DENND1B: variants seen among roughly 807,000 people sequenced by gnomAD.
The protein encoded by DENND1B is DENN domain containing 1B.
Under a neutral mutation model 90.1 loss-of-function variants are expected in DENND1B, and 59 were observed. The ratio of observed to expected loss-of-function variants is 0.65; its 90% CI spans 0.53 to 0.81. DENND1B has a LOEUF of 0.81. DENND1B is among the 40% of genes least tolerant of loss of function. The pLI is 0.00. For synonymous variants in DENND1B, 337 were observed against 324.6 expected, an observed-to-expected ratio of 1.04 and a Z score of -0.41; for missense variants, 862 against 912.6, an observed-to-expected ratio of 0.94 and a Z score of 0.71.
chr1:197,631,147 A>C (rs1340535492), intron 10 of DENND1B, among the ~76,000 whole-genome samples: 1 of 151,862 alleles, frequency 6.6e-6, no homozygotes, highest in Non-Finnish European at 1.5e-5. Context: ...ACACTACAAC[A>C]CTCCTCAAAT....
At position 197,627,681 on chromosome 1, in the gene DENND1B, C is replaced by T. The variant is rs552453594; in HGVS notation, c.673-9922G>A. Among the ~76,000 whole-genome samples the T allele has an allele frequency of 1.2e-4, 19 of 152,034 alleles. No homozygotes were observed. In the East Asian group the frequency reaches 3.5e-3, roughly 28 times the overall value. On this transcript the variant is annotated intron_variant, in intron 10 of 22. Coordinates refer to ENST00000620048, the MANE Select transcript of DENND1B (RefSeq NM_001195215.2). ...ATAGAGTTGGAAGTTCTGGCCAGGG[C>T]AATTAGGCAGGGGAAGGAAATAAAG...
intron 20 of DENND1B, among the ~76,000 whole-genome samples, chr1:197,525,970 C>T (rs894638827): frequency 6.6e-6 from 1 of 152,014 alleles, no homozygotes; most frequent in African/African-American, 2.4e-5. Context: ...CATAAAGAAA[C>T]TTCAGAGAAG....
intron 15 of DENND1B, among the ~76,000 whole-genome samples, chr1:197,570,625 T>C (rs1673068113): frequency 6.6e-6 from 1 of 152,202 alleles, no homozygotes; most frequent in Non-Finnish European, 1.5e-5. Flanking sequence ...TTATAATTTA[T>C]ACACTTTAGT....
intron 12 of DENND1B, among the ~76,000 whole-genome samples, chr1:197,608,567 T>C (rs1413461573): frequency 6.6e-6 from 1 of 150,674 alleles, no homozygotes; most frequent in Non-Finnish European, 1.5e-5. Flanking sequence ...TTAATTGCAT[T>C]TGTGTGAAAA....
At chr1:197,781,898 A>G in the DENND1B span, among the ~76,000 whole-genome samples, 2 of 152,238 alleles carry the variant, frequency 1.3e-5, no homozygotes, top group African/African-American at 4.8e-5. Context: ...AAGAAAATAC[A>G]GTAAAATTCT....
At chr1:197,528,762 A>T (rs1001946442) in intron 20 of DENND1B, among the ~76,000 whole-genome samples, 1 of 150,960 alleles carries the variant, frequency 6.6e-6, no homozygotes, top group African/African-American at 2.4e-5. Context: ...TGGGAGGCTG[A>T]GGCAGGAGAA....
In DENND1B at chr1:197,540,916, T is replaced by C. The variant is rs755706986; in HGVS notation, c.1407+43A>G. 15 of 1,556,212 alleles carry C rather than the reference T, an allele frequency of 9.6e-6. No individual in the cohort carries two copies. The South Asian group carries it at 1.6e-4, about 17-fold the overall frequency. The stretch of plus-strand genomic sequence containing the variant: ...TTTGGAAGTATAAACTTCAAACTAA[T>C]ACAAGAATCAAGGTAAAATGGAAAA... On this transcript the variant is annotated intron_variant, in intron 19 of 22. Coordinates refer to ENST00000620048, the MANE Select transcript of DENND1B (RefSeq NM_001195215.2).
chr1:197,569,637 C>G (rs1672984043), intron 15 of DENND1B, among the ~76,000 whole-genome samples: 1 of 151,670 alleles, frequency 6.6e-6, no homozygotes, highest in Non-Finnish European at 1.5e-5. Flanking sequence ...AAAATCCTGT[C>G]AACTGCAACA....
chr1:197,628,500 C>T lies in DENND1B; in HGVS notation c.673-10741G>A, dbSNP rs141403049. ...GTAGAAAGCTGAAACTGGATCCCCT[C>T]CTTACACCTTTTACAAAAATTAATT... On this transcript the variant is annotated intron_variant, in intron 10 of 22. Coordinates refer to ENST00000620048, the MANE Select transcript of DENND1B (RefSeq NM_001195215.2). Among the ~76,000 whole-genome samples the T allele has an allele frequency of 6.7e-3, 1,018 of 152,232 alleles. 4 individuals carry two copies. The highest frequency in any genetic ancestry group is 0.023 in the African/African-American group (937 of 41,542).
At chr1:197,778,671 T>C (rs1657356172), upstream of DENND1B, among the ~76,000 whole-genome samples, 1 of 151,466 alleles carries the variant, frequency 6.6e-6, no homozygotes, top group Non-Finnish European at 1.5e-5. Context: ...AGTGAGACAC[T>C]GTCTAAAAAA....
intron 5 of DENND1B, among the ~76,000 whole-genome samples, chr1:197,667,498 C>T (rs1655060724): frequency 6.6e-6 from 1 of 152,114 alleles, no homozygotes; most frequent in Non-Finnish European, 1.5e-5. Context: ...GGCACAATCT[C>T]AGCTAACTGC....
At chr1:197,579,705 C>T (rs545748259) in intron 15 of DENND1B, among the ~76,000 whole-genome samples, 11 of 152,120 alleles carry the variant, frequency 7.2e-5, no homozygotes, top group Admixed American at 1.3e-4. Flanking sequence ...CTATATTTTC[C>T]ATTTCTGTCT....
intron 1 of DENND1B, among the ~76,000 whole-genome samples, chr1:197,774,784 A>G (rs1435063223): frequency 6.6e-6 from 1 of 152,200 alleles, no homozygotes; most frequent in East Asian, 1.9e-4. Context: ...GCCCCAGGAG[A>G]GTCACATCTG....
At chr1:197,743,518 A>T (rs1029688501) in intron 2 of DENND1B, among the ~76,000 whole-genome samples, 6 of 152,164 alleles carry the variant, frequency 3.9e-5, no homozygotes, top group African/African-American at 1.4e-4. Flanking sequence ...GATGGCTGCT[A>T]ACTGATCAGC....
chr1:197,542,140 T>G (rs1215438753), intron 18 of DENND1B, among the ~76,000 whole-genome samples: 1 of 152,140 alleles, frequency 6.6e-6, no homozygotes, highest in South Asian at 2.1e-4. Context: ...GCAAATGGCT[T>G]TGGTAATAAT....
chr1:197,539,936 G>A (rs746475622), intron 20 of DENND1B, 28 bp downstream of exon 20: 1 of 1,470,364 alleles, frequency 6.8e-7, no homozygotes, highest in Non-Finnish European at 9.5e-7. Flanking sequence ...AGAATGTGGG[G>A]GAATGAAGGG....
At position 197,611,964 on chromosome 1, in the gene DENND1B, T is replaced by C. The variant is rs775525431; in HGVS notation, c.786A>G (p.Pro262=). 15 of 1,603,708 alleles carry C rather than the reference T, an allele frequency of 9.4e-6. No homozygotes were observed. Among genetic ancestry groups the C allele is most frequent in the Admixed American group, 1.7e-5 (1 of 59,432 alleles). Residue 262 remains proline (P), a synonymous_variant, in exon 12 of 23, where the codon CCA becomes CCG. Transcript: ENST00000620048. ...GGCTGGAGTGTATTCCAATCAGGTA[T>C]GGCATTGGGGCACTAAATTAAAAAT... ...HLLDYCCAPM[P]YLIGIHSSLI...
chr1:197,541,586 A>G (rs1670340042), intron 18 of DENND1B, among the ~76,000 whole-genome samples: 1 of 152,170 alleles, frequency 6.6e-6, no homozygotes, highest in African/African-American at 2.4e-5. Context: ...TGAGTTTCTC[A>G]CATCCTGCTG....
chr1:197,642,537 T>C (rs1680354561), intron 10 of DENND1B, among the ~76,000 whole-genome samples, 174 bp downstream of exon 10: 1 of 152,218 alleles, frequency 6.6e-6, no homozygotes, highest in African/African-American at 2.4e-5. Flanking sequence ...CTGAGAAGGC[T>C]TCCTATAAAT....
Sources: allele counts gnomAD v4.1 joint callset (sites outside exome capture counted in the v4.1 genomes callset), GRCh38; gene constraint gnomAD v4.1.1; transcripts MANE v1.5; gene names NCBI Gene and HGNC (gene_info 2026-07-23, HGNC 2026-07-21).